PDE6A: variants seen among roughly 807,000 people sequenced by gnomAD.
PDE6A encodes the protein phosphodiesterase 6A.
In PDE6A, 84 loss-of-function variants were observed where a neutral mutation model predicts 106.3. The ratio of observed to expected loss-of-function variants is 0.79; its 90% confidence interval spans 0.66 to 0.95. The LOEUF (loss-of-function observed/expected upper bound fraction) is 0.95. Ranked by LOEUF, PDE6A falls within the 40% of genes least tolerant of loss-of-function variation. The pLI is 0.00. For missense variants in PDE6A, 1,052 were observed against 1,084.9 expected (o/e 0.97, Z 0.43); for synonymous variants, 394 against 386.6 (o/e 1.02, Z -0.23).
chr5:149,927,927 C>T (rs1040674701), intron 4 of PDE6A, among the ~76,000 whole-genome samples: 3 of 151,618 alleles, frequency 2.0e-5, no homozygotes, highest in Non-Finnish European at 1.5e-5. Flanking sequence ...TCAATATCCC[C>T]ATCTTCCACC....
At chr5:149,893,074 A>G (rs930281052) in intron 13 of PDE6A, among the ~76,000 whole-genome samples, 18 of 152,218 alleles carry the variant, frequency 1.2e-4, no homozygotes, top group African/African-American at 4.3e-4. Flanking sequence ...ACTTTAGTGC[A>G]TTATGCCAAA....
At position 149,867,709 on chromosome 5, in the gene PDE6A, T is replaced by C. The variant is rs1561679038; in HGVS notation, c.2274+16A>G. ...ACACACACCTAACATCAGGCTGACATCCCCTGTCTACTCACAATGGGATTC... is the reference window on the plus strand; with the variant it reads ...ACACACACCTAACATCAGGCTGACACCCCCTGTCTACTCACAATGGGATTC... On this transcript the variant is annotated intron_variant, in intron 19 of 21. Transcript: ENST00000255266. 3.1e-6 allele frequency: 5 copies of C among 1,611,776 alleles called. 1 individual carries two copies. In the South Asian group the frequency reaches 5.5e-5, roughly 18 times the overall value.
At chr5:149,938,761 T>G (rs1754251037) in intron 1 of PDE6A, among the ~76,000 whole-genome samples, 1 of 152,326 alleles carries the variant, frequency 6.6e-6, no homozygotes, top group African/African-American at 2.4e-5. Context: ...CAAACTTTAC[T>G]GGGCATCTTA....
At chr5:149,927,832 T>C (rs1401362159) in intron 4 of PDE6A, among the ~76,000 whole-genome samples, 2 of 151,924 alleles carry the variant, frequency 1.3e-5, no homozygotes, top group African/African-American at 4.8e-5. Context: ...CTTAAATTTT[T>C]TTTTCTTTTA....
Position 149,907,389 on chromosome 5 carries a change from CAAAG to C in PDE6A, c.999-15_999-12del, listed in dbSNP as rs2113616352. On this transcript the variant is annotated splice_polypyrimidine_tract_variant and intron_variant, in intron 6 of 21. Transcript: ENST00000255266. ...TCAGGAGGTGGATTCCTGTGAAGGC[CAAAG>C]ACAAAACGGTGACTCTCAGTGCAGG... The C allele has an allele frequency of 6.2e-7, 1 of 1,612,386 alleles. No homozygotes were observed. Among genetic ancestry groups the C allele is most frequent in the Admixed American group, 1.7e-5 (1 of 60,002 alleles).
intron 14 of PDE6A, among the ~76,000 whole-genome samples, chr5:149,885,540 G>T (rs561597204): frequency 4.7e-4 from 72 of 152,148 alleles, no homozygotes; most frequent in African/African-American, 1.6e-3. Flanking sequence ...CACCTTTTTT[G>T]CCTGGCATAG....
In PDE6A at chr5:149,858,481, G is replaced by A. The variant is rs1760012133; in HGVS notation, c.*2414C>T. 6.6e-6 allele frequency: 1 copy of A among 152,248 alleles called. No individual in the cohort carries two copies. 9.4% of individuals were successfully genotyped at this position (152,248 alleles called of 1,614,324 possible). On this transcript the variant is annotated 3_prime_UTR_variant, in exon 22 of 22. Coordinates refer to ENST00000255266, the MANE Select transcript of PDE6A (RefSeq NM_000440.3). ...GAACATACTTAGATTCGGTTTAAAAGAAATAAGTCCTGGCCAGGTGCAGTG... is the reference window on the plus strand; with the variant it reads ...GAACATACTTAGATTCGGTTTAAAAAAAATAAGTCCTGGCCAGGTGCAGTG...
intron 8 of PDE6A, 79 bp from the exon 9 acceptor site, chr5:149,899,603 T>C: frequency 1.4e-6 from 2 of 1,400,648 alleles, no homozygotes; most frequent in Non-Finnish European, 2.0e-6. Context: ...CCCTACATCA[T>C]GACCCTGATT....
rs140267699 is a variant in PDE6A at position 149,883,527 on chromosome 5, C to T, written c.2037G>A (p.Thr679=). The part of the protein sequence containing the change: ...TDLALYFKKR[T]MFQKIVDQSK... ...ACTGATCCACGATCTTTTGGAACATCGTCCTCTTCCTACAAAACATATCAG... is the reference window on the plus strand; with the variant it reads ...ACTGATCCACGATCTTTTGGAACATTGTCCTCTTCCTACAAAACATATCAG... Residue 679 remains threonine, a synonymous_variant, in exon 17 of 22, where the codon ACG becomes ACA. Transcript: ENST00000255266. 68 of 1,609,622 alleles carry T rather than the reference C, an allele frequency of 4.2e-5. No homozygotes were observed. The highest frequency in any genetic ancestry group is 2.8e-4 in the Admixed American group (17 of 59,994).
rs1754117346 is a variant in PDE6A, at chr5:149,933,983, T to C, written c.664A>G (p.Met222Val). ...AGGTAACTCAGGTGGTACACCTTCA[T>C]GATTAGATTTGCAAAATTGAGGTAC... ...LKYLNFANLIMKVYHLSYLHN... is the reference protein window; with the variant it reads ...LKYLNFANLIVKVYHLSYLHN... Residue 222 changes from methionine to valine, a missense_variant, in exon 3 of 22, where the codon ATG becomes GTG. Around this residue, in one of 3 missense-constraint regions of PDE6A, gnomAD observed 913 missense variants for 915.2 expected, o/e 1.00. Coordinates refer to ENST00000255266, the MANE Select transcript of PDE6A (RefSeq NM_000440.3). The C allele has an allele frequency of 6.2e-7, 1 of 1,613,512 alleles. No individual in the cohort carries two copies. The highest frequency in any genetic ancestry group is 8.5e-7 in the Non-Finnish European group (1 of 1,179,548).
intron 18 of PDE6A, 64 bp downstream of exon 18, chr5:149,868,031 G>A (rs1163418086): frequency 2.0e-6 from 3 of 1,499,532 alleles, no homozygotes; most frequent in Non-Finnish European, 2.8e-6. Flanking sequence ...GAGAGTCCAA[G>A]CCTCATGACC....
chr5:149,891,151 A>T (rs1056638506), intron 13 of PDE6A, among the ~76,000 whole-genome samples: 4 of 152,184 alleles, frequency 2.6e-5, no homozygotes, highest in African/African-American at 4.8e-5. Context: ...TGATGACAAA[A>T]TAGTGACAAG....
chr5:149,941,390 T>C (rs957566162), intron 1 of PDE6A, among the ~76,000 whole-genome samples: 15 of 152,322 alleles, frequency 9.8e-5, no homozygotes, highest in African/African-American at 3.6e-4. Flanking sequence ...TGTGGAGAAC[T>C]GCATTACTGC....
intron 4 of PDE6A, among the ~76,000 whole-genome samples, chr5:149,927,280 C>G (rs996339240): frequency 3.3e-5 from 5 of 152,118 alleles, no homozygotes; most frequent in Admixed American, 2.6e-4. Flanking sequence ...AGTTGCTCTG[C>G]GTGAGTCAGT....
Position 149,899,309 on chromosome 5 carries a change from C to T in PDE6A, c.1263+66G>A, listed in dbSNP as rs150977399. 4.1e-4 allele frequency: 641 copies of T among 1,548,866 alleles called. 7 individuals carry two copies. In the African/African-American group the frequency reaches 7.4e-3, roughly 18 times the overall value. On this transcript the variant is annotated intron_variant, in intron 9 of 21. Coordinates refer to ENST00000255266, the MANE Select transcript of PDE6A (RefSeq NM_000440.3). ...GCTGCCCCATGTGATAGCGCAGTGA[C>T]ACCCAGCCTCCCCCAGCAAGCTGAC...
chr5:149,869,348 A>G lies in PDE6A; in HGVS notation c.2136-1190T>C, dbSNP rs994967234. Among the ~76,000 whole-genome samples the G allele has an allele frequency of 1.1e-4, 16 of 142,856 alleles. No homozygotes were observed. In the East Asian group the frequency reaches 2.8e-3, roughly 25 times the overall value. The allele number at this position is 142,856 out of a possible 152,430, so 93.7% of individuals were successfully genotyped here. ...CCATATCAAAAAAAAAAAAAAAAAA[A>G]GGAGTGGAAGGGTGCAGGTAAAGAA... On this transcript the variant is annotated intron_variant, in intron 17 of 21. Coordinates refer to ENST00000255266, the MANE Select transcript of PDE6A (RefSeq NM_000440.3).
chr5:149,866,422 G>A (rs1760334081), intron 19 of PDE6A, 169 bp from the exon 20 acceptor site: 1 of 581,730 alleles, frequency 1.7e-6, no homozygotes, highest in East Asian at 2.9e-5. Flanking sequence ...CACCATGAGG[G>A]TGTAACCAAC....
chr5:149,877,492 C>T (rs1760784286), intron 17 of PDE6A, among the ~76,000 whole-genome samples: 2 of 152,196 alleles, frequency 1.3e-5, no homozygotes, highest in Admixed American at 6.5e-5. Flanking sequence ...TCACTGCAAC[C>T]TCTGCCTCCC....
chr5:149,933,557 A>G (rs934770479), intron 3 of PDE6A, among the ~76,000 whole-genome samples: 11 of 152,334 alleles, frequency 7.2e-5, no homozygotes, highest in Admixed American at 2.0e-4. Flanking sequence ...AGAAACTTCA[A>G]TTGAGCACTA....
Sources: allele counts gnomAD v4.1 joint callset (sites outside exome capture counted in the v4.1 genomes callset), GRCh38; gene constraint gnomAD v4.1.1; regional missense constraint gnomAD v4.1.1; transcripts MANE v1.5; gene names NCBI Gene and HGNC (gene_info 2026-07-23, HGNC 2026-07-21).